Variants in TBX15 observed in about 807,000 individuals in gnomAD.
TBX15 encodes the protein T-box transcription factor 15.
TBX15 carries 18 observed loss-of-function variants against 53.9 expected under a neutral mutation model. The observed-to-expected ratio is 0.33, with a 90% CI of 0.23 to 0.49. The LOEUF (loss-of-function observed/expected upper bound fraction) is 0.49. TBX15 is among the 20% of genes least tolerant of loss of function. TBX15 has a pLI of 0.98. For missense variants in TBX15, 692 were observed against 749.5 expected (o/e 0.92, Z 0.90); for synonymous variants, 295 against 278.0 (o/e 1.06, Z -0.61).
At chr1:118,919,469 C>G (rs1186223110) in intron 5 of TBX15, among the ~76,000 whole-genome samples, 2 of 152,068 alleles carry the variant, frequency 1.3e-5, no homozygotes, top group African/African-American at 4.8e-5. Context: ...GCTAGCAGCC[C>G]TAAGAGTCTA....
chr1:118,955,215 C>T (rs562534201), intron 1 of TBX15, among the ~76,000 whole-genome samples: 2 of 151,480 alleles, frequency 1.3e-5, no homozygotes, highest in African/African-American at 4.8e-5. Context: ...TTTTAAAATG[C>T]CATCTGCCCT....
In TBX15 at chr1:118,976,988, T is replaced by C. The variant is rs74447588; in HGVS notation, c.205+10603A>G. ...CAGGAATAATAGGCTTTGTGCTAAATCTTTTGTTCCTGTATGTGAACTATC... is the reference window on the plus strand; with the variant it reads ...CAGGAATAATAGGCTTTGTGCTAAACCTTTTGTTCCTGTATGTGAACTATC... On this transcript the variant is annotated intron_variant, in intron 1 of 7. Transcript: ENST00000369429. Among the ~76,000 whole-genome samples the C allele has an allele frequency of 2.2e-4, 33 of 152,342 alleles. No homozygotes were observed. The East Asian group carries it at 5.2e-3, about 24-fold the overall frequency.
chr1:118,949,790 G>A (rs968258200), intron 1 of TBX15, among the ~76,000 whole-genome samples: 2 of 152,130 alleles, frequency 1.3e-5, no homozygotes, highest in African/African-American at 2.4e-5. Context: ...CTAGGACCCC[G>A]AGAACTGGGA....
chr1:118,955,323 A>G (rs1408868162), intron 1 of TBX15, among the ~76,000 whole-genome samples: 3 of 152,226 alleles, frequency 2.0e-5, no homozygotes, highest in African/African-American at 7.2e-5. Context: ...GGGAAACTCC[A>G]GAACCACCCA....
intron 1 of TBX15, among the ~76,000 whole-genome samples, chr1:118,954,353 G>A (rs1656610131): frequency 6.6e-6 from 1 of 152,200 alleles, no homozygotes; most frequent in South Asian, 2.1e-4. Flanking sequence ...AAGGCACAAG[G>A]CAGTTCTAAA....
chr1:118,898,923 G>A (rs1654518451), intron 7 of TBX15, 105 bp downstream of exon 7: 1 of 1,125,978 alleles, frequency 8.9e-7, no homozygotes, highest in East Asian at 2.5e-5. Flanking sequence ...AGGAGAATTG[G>A]TATAACCCAT....
intron 6 of TBX15, among the ~76,000 whole-genome samples, chr1:118,910,585 T>C (rs904841566): frequency 1.3e-5 from 2 of 152,200 alleles, no homozygotes; most frequent in African/African-American, 4.8e-5. Context: ...GTGGCATTAA[T>C]AATTGTTGCC....
chr1:118,908,874 C>T (rs1470761309), intron 6 of TBX15, among the ~76,000 whole-genome samples: 3 of 151,784 alleles, frequency 2.0e-5, no homozygotes, highest in Admixed American at 6.6e-5. Flanking sequence ...CATAGACACA[C>T]ACTCACACAT....
intron 1 of TBX15, among the ~76,000 whole-genome samples, chr1:118,973,699 G>A (rs574532311): frequency 4.6e-5 from 7 of 151,976 alleles, no homozygotes; most frequent in Admixed American, 2.6e-4. Flanking sequence ...ATTCACCCAC[G>A]CAGGCTAGGG....
chr1:118,894,484 G>C (rs1045893836), intron 7 of TBX15, among the ~76,000 whole-genome samples: 3 of 152,136 alleles, frequency 2.0e-5, no homozygotes, highest in African/African-American at 7.2e-5. Flanking sequence ...GAGGTGCAAA[G>C]ATGTGTGTTT....
intron 1 of TBX15, among the ~76,000 whole-genome samples, chr1:118,980,461 G>A (rs1373262714): frequency 6.6e-6 from 1 of 152,232 alleles, no homozygotes; most frequent in Admixed American, 6.5e-5. Flanking sequence ...AAAGTGTATG[G>A]CAACATTTTG....
chr1:118,983,044 A>G (rs1335234531), intron 1 of TBX15, among the ~76,000 whole-genome samples: 1 of 152,186 alleles, frequency 6.6e-6, no homozygotes, highest in African/African-American at 2.4e-5. Context: ...CGGGTCTCTG[A>G]GGTGCAGAGG....
chr1:118,984,282 G>T (rs767999567), intron 1 of TBX15, among the ~76,000 whole-genome samples: 1 of 152,232 alleles, frequency 6.6e-6, no homozygotes, highest in Non-Finnish European at 1.5e-5. Flanking sequence ...ACATCCCCAG[G>T]CCTCTGGAAC....
intron 1 of TBX15, among the ~76,000 whole-genome samples, chr1:118,939,584 ATAGG>A (rs1355289136): frequency 6.7e-6 from 1 of 149,730 alleles, no homozygotes; most frequent in Admixed American, 6.6e-5. Flanking sequence ...AAAAGTACCT[ATAGG>A]GTACTGTGCT....
intron 7 of TBX15, among the ~76,000 whole-genome samples, chr1:118,895,252 A>G (rs1007015583): frequency 2.6e-5 from 4 of 152,204 alleles, no homozygotes; most frequent in Admixed American, 6.5e-5. Context: ...AGTGATGTCC[A>G]CCAACTCTCT....
At chr1:118,926,960 G>A (rs528770503) in intron 2 of TBX15, among the ~76,000 whole-genome samples, 1 of 152,088 alleles carries the variant, frequency 6.6e-6, no homozygotes, top group African/African-American at 2.4e-5. Flanking sequence ...TCCTGACCTC[G>A]TGATCTGCCC....
intron 1 of TBX15, among the ~76,000 whole-genome samples, chr1:118,970,771 T>A (rs1239667158): frequency 1.3e-5 from 2 of 152,174 alleles, no homozygotes; most frequent in African/African-American, 4.8e-5. Flanking sequence ...TGCTCAGTGA[T>A]TACCCTGTGT....
At chr1:118,888,545 C>T (rs1654026461) in intron 7 of TBX15, among the ~76,000 whole-genome samples, 1 of 152,198 alleles carries the variant, frequency 6.6e-6, no homozygotes, top group African/African-American at 2.4e-5. Context: ...GCATCCTACA[C>T]ATTTTCCTTA....
Position 118,926,571 on chromosome 1 carries a change from C to T in TBX15, c.460G>A (p.Asp154Asn). 6.2e-7 allele frequency: 1 copy of T among 1,613,932 alleles called. No individual in the cohort carries two copies. Among genetic ancestry groups the T allele is most frequent in the Non-Finnish European group, 8.5e-7 (1 of 1,179,908 alleles). ...PAMRVKITGLDPHQQYYIAMD... is the reference protein window; with the variant it reads ...PAMRVKITGLNPHQQYYIAMD... ...GCTATGTAGTACTGCTGATGTGGAT[C>T]TAGGCCAGTGATTTTCACTCTCATG... Residue 154 changes from aspartate (D) to asparagine (N), a missense_variant, in exon 3 of 8, where the codon GAT becomes AAT. Around this residue, in one of 3 missense-constraint regions of TBX15, gnomAD observed 307 missense variants for 347.5 expected, o/e 0.88. Transcript: ENST00000369429.
Sources: gnomAD v4.1 joint callset for allele counts (sites outside exome capture counted in the v4.1 genomes callset) on GRCh38, gnomAD v4.1.1 for gene constraint, gnomAD v4.1.1 regional missense constraint, MANE v1.5 for transcripts, NCBI Gene and HGNC (gene_info 2026-07-23, HGNC 2026-07-21) for gene names.